Variants in EYS observed in about 807,000 individuals in gnomAD.
EYS encodes the protein protein eyes shut homolog.
A neutral mutation model predicts 282.1 loss-of-function variants in EYS; 250 were observed. That is an observed-to-expected ratio of 0.89 (90% CI 0.80 to 0.98). The LOEUF (loss-of-function observed/expected upper bound fraction) is 0.98, where lower values mean the gene tolerates loss of function less well. Ranked by LOEUF, EYS falls within the 50% of genes least tolerant of loss-of-function variation. The pLI, the probability that EYS is intolerant of heterozygous loss-of-function variation, is 0.00. For synonymous variants in EYS, 1,355 were observed against 1,282.9 expected (o/e 1.06, Z -1.20); for missense variants, 4,016 against 3,709.0 (o/e 1.08, Z -2.15).
At chr6:65,646,371 T>C (rs1197286373) in intron 1 of EYS, among the ~76,000 whole-genome samples, 1 of 152,124 alleles carries the variant, frequency 6.6e-6, no homozygotes, top group Non-Finnish European at 1.5e-5. Flanking sequence ...TGGTTTAATA[T>C]CTGCAAGTCA....
chr6:64,795,251 A>G (rs1774319803), intron 22 of EYS, among the ~76,000 whole-genome samples: 1 of 151,212 alleles, frequency 6.6e-6, no homozygotes, highest in South Asian at 2.1e-4. Flanking sequence ...AAAAAAAAAG[A>G]AGTAGACATT....
At chr6:64,051,794 C>A (rs1300278546) in intron 33 of EYS, among the ~76,000 whole-genome samples, 1 of 152,040 alleles carries the variant, frequency 6.6e-6, no homozygotes, top group Non-Finnish European at 1.5e-5. Context: ...GAAGGCCTGG[C>A]ATAATGAACA....
intron 28 of EYS, among the ~76,000 whole-genome samples, chr6:64,408,485 G>A (rs1018992505): frequency 1.3e-5 from 2 of 152,154 alleles, no homozygotes; most frequent in Non-Finnish European, 2.9e-5. Flanking sequence ...ATGCTTAAAG[G>A]AGGTGTATAT....
At chr6:64,289,998 T>C (rs1396166023) in intron 30 of EYS, among the ~76,000 whole-genome samples, 1 of 152,084 alleles carries the variant, frequency 6.6e-6, no homozygotes, top group African/African-American at 2.4e-5. Context: ...CTGATAGACT[T>C]AAAGGCACTA....
chr6:64,049,440 G>A (rs1248309297), intron 33 of EYS, among the ~76,000 whole-genome samples: 3 of 152,022 alleles, frequency 2.0e-5, no homozygotes, highest in African/African-American at 7.2e-5. Flanking sequence ...TAATATTTTG[G>A]TGATTAACTT....
chr6:65,598,547 C>A (rs1408461964), intron 2 of EYS, among the ~76,000 whole-genome samples: 1 of 152,022 alleles, frequency 6.6e-6, no homozygotes, highest in Non-Finnish European at 1.5e-5. Flanking sequence ...GGATAGCTCA[C>A]CAAAAACATA....
At chr6:65,704,352 T>G (rs559977329) in intron 1 of EYS, among the ~76,000 whole-genome samples, 1 of 152,228 alleles carries the variant, frequency 6.6e-6, no homozygotes, top group South Asian at 2.1e-4. Context: ...AACTGCAAAG[T>G]TAATGAGTAA....
intron 31 of EYS, among the ~76,000 whole-genome samples, chr6:64,137,576 T>A (rs978891848): frequency 6.6e-6 from 1 of 152,034 alleles, no homozygotes; most frequent in Non-Finnish European, 1.5e-5. Context: ...TGGCCTAATA[T>A]CAGTATCATT....
intron 26 of EYS, among the ~76,000 whole-genome samples, chr6:64,514,656 G>GA (rs1426008241): frequency 2.0e-5 from 3 of 151,650 alleles, no homozygotes; most frequent in East Asian, 1.9e-4. Flanking sequence ...GGGTATTCTT[G>GA]AAAAAAACAG....
At chr6:63,771,514 G>A (rs1377033314) in intron 40 of EYS, among the ~76,000 whole-genome samples, 2 of 152,172 alleles carry the variant, frequency 1.3e-5, no homozygotes, top group African/African-American at 2.4e-5. Flanking sequence ...GAAGTTGATT[G>A]TAGCTTTTAG....
chr6:65,124,810 A>C lies in EYS; in HGVS notation c.2024-67083T>G, dbSNP rs369623257. 5.7e-4 allele frequency among the ~76,000 whole-genome samples: 87 copies of C among 152,342 alleles called. 1 individual carries two copies. The highest frequency in any genetic ancestry group is 2.0e-3 in the African/African-American group (85 of 41,582). ...ATTTATTTACTTAGAAATTACCAAC[A>C]CAGATGCTGTCCCCCATTACACACC... On this transcript the variant is annotated intron_variant, in intron 12 of 42. Transcript: ENST00000503581.
chr6:65,698,133 C>T (rs9345672), intron 1 of EYS, among the ~76,000 whole-genome samples: 45,817 of 151,894 alleles, frequency 0.3, 7,970 homozygotes, highest in African/African-American at 0.48. Flanking sequence ...CTGGGAAATA[C>T]TTATTTGTCT....
intron 30 of EYS, among the ~76,000 whole-genome samples, chr6:64,284,782 G>A (rs6916826): frequency 0.69 from 104,344 of 152,030 alleles, 35,845 homozygotes; most frequent in Non-Finnish European, 0.71. Context: ...GCCAAGACTT[G>A]AGGCTTGCAC....
intron 14 of EYS, among the ~76,000 whole-genome samples, chr6:64,950,790 TACATATAC>T (rs1164325848): frequency 3.3e-4 from 29 of 88,956 alleles, no homozygotes; most frequent in Middle Eastern, 6.0e-3. Context: ...TATACACATA[TACATATAC>T]ATATATATAT....
chr6:65,346,920 T>G (rs1394595524), intron 9 of EYS, among the ~76,000 whole-genome samples: 2 of 152,014 alleles, frequency 1.3e-5, no homozygotes, highest in South Asian at 2.1e-4. Context: ...CACCTTATCA[T>G]GTATCTCAGT....
intron 33 of EYS, among the ~76,000 whole-genome samples, chr6:64,024,415 T>C (rs1366701697): frequency 6.6e-6 from 1 of 152,036 alleles, no homozygotes; most frequent in Non-Finnish European, 1.5e-5. Context: ...AGCTCAGGGA[T>C]TGTAAACGCA....
intron 22 of EYS, among the ~76,000 whole-genome samples, chr6:64,675,515 C>T (rs1447719426): frequency 2.7e-5 from 4 of 150,432 alleles, no homozygotes; most frequent in African/African-American, 4.9e-5. Flanking sequence ...GCAACCTCCA[C>T]CTCCTAGGTT....
intron 13 of EYS, among the ~76,000 whole-genome samples, chr6:65,023,138 T>C (rs904567692): frequency 5.9e-5 from 9 of 152,180 alleles, no homozygotes; most frequent in Non-Finnish European, 8.8e-5. Flanking sequence ...ACTATTTACT[T>C]TCAGTAAATT....
rs1767098797 is a variant in EYS, at chr6:64,611,017, CAAAT to C, written c.3684+6397_3684+6400del. Reference sequence around the variant, plus strand: ...TCATTGCTGCCCATAAACAAATTAACAAATAAATAAACACAATAATTTTGTTTCT... The same window carrying C: ...TCATTGCTGCCCATAAACAAATTAACAAATAAACACAATAATTTTGTTTCT... On this transcript the variant is annotated intron_variant, in intron 24 of 42. Transcript: ENST00000503581. Among the ~76,000 whole-genome samples the C allele has an allele frequency of 8.5e-5, 13 of 152,176 alleles. No homozygotes were observed. The South Asian group carries it at 2.7e-3, about 32-fold the overall frequency.
Sources: gnomAD v4.1 joint callset for allele counts (sites outside exome capture counted in the v4.1 genomes callset) on GRCh38, gnomAD v4.1.1 for gene constraint, MANE v1.5 for transcripts, NCBI Gene and HGNC (gene_info 2026-07-23, HGNC 2026-07-21) for gene names.